The following EIF4G3 variants were observed in gnomAD, a reference collection of about 807,000 sequenced individuals.
The protein encoded by EIF4G3 is eIF-4-gamma 3.
EIF4G3 carries 34 observed loss-of-function variants against 186.4 expected under a neutral mutation model. That is an observed-to-expected ratio of 0.18 (90% CI 0.14 to 0.24). The LOEUF (loss-of-function observed/expected upper bound fraction) is 0.24. Among genes scored for constraint, EIF4G3 ranks in the 10% least tolerant of loss-of-function variants. The pLI, the probability that EIF4G3 is intolerant of heterozygous loss-of-function variation, is 1.00. For missense variants in EIF4G3, 1,536 were observed against 1,948.5 expected, an observed-to-expected ratio of 0.79 and a Z score of 3.99; for synonymous variants, 673 against 679.5, an observed-to-expected ratio of 0.99 and a Z score of 0.15.
chr1:21,111,008 T>C (rs1208661160), intron 2 of EIF4G3, among the ~76,000 whole-genome samples: 7 of 152,256 alleles, frequency 4.6e-5, no homozygotes, highest in South Asian at 2.1e-4. Flanking sequence ...AAAACACTAA[T>C]ACAAGTAGTT....
intron 35 of EIF4G3, among the ~76,000 whole-genome samples, 194 bp from the exon 36 acceptor site, chr1:20,811,078 T>C (rs1318077457): frequency 1.3e-5 from 2 of 152,090 alleles, no homozygotes; most frequent in Non-Finnish European, 2.9e-5. Flanking sequence ...GCCTCCCAAG[T>C]TGTTGGGACT....
chr1:20,873,969 C>G (rs1399067794), intron 20 of EIF4G3, among the ~76,000 whole-genome samples: 1 of 152,092 alleles, frequency 6.6e-6, no homozygotes, highest in Non-Finnish European at 1.5e-5. Context: ...TGTTATTTTG[C>G]TGAGGATGAT....
intron 20 of EIF4G3, among the ~76,000 whole-genome samples, chr1:20,875,892 A>T (rs915158212): frequency 6.6e-6 from 1 of 152,064 alleles, no homozygotes; most frequent in Non-Finnish European, 1.5e-5. Flanking sequence ...AGCCTGGGTG[A>T]CAGAGCAAGA....
intron 4 of EIF4G3, among the ~76,000 whole-genome samples, chr1:21,049,894 A>G (rs2094115440): frequency 6.6e-6 from 1 of 152,162 alleles, no homozygotes; most frequent in Non-Finnish European, 1.5e-5. Context: ...CTGTCTTTAA[A>G]AAAATAATAA....
At chr1:20,935,117 A>T (rs571380795) in intron 14 of EIF4G3, among the ~76,000 whole-genome samples, 1 of 150,966 alleles carries the variant, frequency 6.6e-6, no homozygotes, top group East Asian at 1.9e-4. Flanking sequence ...CATAAAGTAT[A>T]ACTGTCAAAT....
At chr1:20,816,409 A>T (rs1445484647) in intron 34 of EIF4G3, among the ~76,000 whole-genome samples, 1 of 93,148 alleles carries the variant, frequency 1.1e-5, no homozygotes, top group South Asian at 4.2e-4. Flanking sequence ...CCCGTCCGGG[A>T]GGTGGGGGCG....
At chr1:21,065,604 A>T (rs1199332282) in intron 3 of EIF4G3, among the ~76,000 whole-genome samples, 1 of 151,820 alleles carries the variant, frequency 6.6e-6, no homozygotes, top group Non-Finnish European at 1.5e-5. Flanking sequence ...AAAAATGAGA[A>T]TGGGTTTTGG....
chr1:20,827,554 A>G (rs1189208547), intron 32 of EIF4G3, 63 bp downstream of exon 32: 2 of 1,049,882 alleles, frequency 1.9e-6, no homozygotes, highest in African/African-American at 3.1e-5. Context: ...CAGATAACCC[A>G]AGATCAAGAT....
At chr1:20,849,969 CCT>C (rs2072737789) in intron 28 of EIF4G3, among the ~76,000 whole-genome samples, 2 of 152,228 alleles carry the variant, frequency 1.3e-5, no homozygotes, top group South Asian at 2.1e-4. Flanking sequence ...GTGCTCTTTC[CCT>C]CTGTTTCACA....
Position 21,160,590 on chromosome 1 carries a change from A to C in EIF4G3, c.-272+15585T>G, listed in dbSNP as rs1191150534. On this transcript the variant is annotated intron_variant, in intron 2 of 36. Coordinates refer to ENST00000602326, the MANE Select transcript of EIF4G3 (RefSeq NM_001391906.1). Reference sequence around the variant, plus strand: ...TAATCATCATCATACTGACATCATGAATCTCCTGATATGGGGCAATGAGAA... The same window carrying C: ...TAATCATCATCATACTGACATCATGCATCTCCTGATATGGGGCAATGAGAA... 2.0e-5 allele frequency among the ~76,000 whole-genome samples: 3 copies of C among 152,214 alleles called. No homozygotes were observed. The South Asian group carries it at 6.2e-4, about 31-fold the overall frequency.
intron 7 of EIF4G3, among the ~76,000 whole-genome samples, chr1:20,989,175 T>C (rs1391637115): frequency 6.7e-6 from 1 of 148,924 alleles, no homozygotes; most frequent in African/African-American, 2.5e-5. Context: ...CTGATTCCAA[T>C]ACTCATGGAT....
At chr1:21,019,276 A>T (rs1376737731) in intron 4 of EIF4G3, among the ~76,000 whole-genome samples, 1 of 152,248 alleles carries the variant, frequency 6.6e-6, no homozygotes, top group Non-Finnish European at 1.5e-5. Context: ...GCACTTATTC[A>T]ATTTCACTAA....
At chr1:21,088,697 T>C (rs1475709701) in intron 3 of EIF4G3, among the ~76,000 whole-genome samples, 1 of 151,990 alleles carries the variant, frequency 6.6e-6, no homozygotes, top group African/African-American at 2.4e-5. Context: ...AAACCCCATC[T>C]GTACTAAAAA....
Position 20,941,715 on chromosome 1 carries a change from G to A in EIF4G3, c.1439C>T (p.Ser480Phe), listed in dbSNP as rs565059273. The stretch of plus-strand genomic sequence containing the variant: ...AACAATGACTGGAGTGTGAGGAGGA[G>A]AAGCTGGAGGAGTTGGAGGAGTTGG... ...FPPTPPTPPA[S>F]PPHTPVIVPA... Residue 480 changes from serine (S) to phenylalanine (F), a missense_variant, in exon 14 of 37, where the codon TCT (serine) becomes TTT (phenylalanine). Transcript: ENST00000602326. 1 of 1,611,986 alleles carries A rather than the reference G, an allele frequency of 6.2e-7. No individual in the cohort carries two copies. Among genetic ancestry groups the A allele is most frequent in the South Asian group, 1.1e-5 (1 of 90,734 alleles).
chr1:20,945,506 C>T (rs1047158046), intron 13 of EIF4G3, among the ~76,000 whole-genome samples: 4 of 152,172 alleles, frequency 2.6e-5, no homozygotes, highest in Non-Finnish European at 2.9e-5. Flanking sequence ...TGCTCTGTCG[C>T]CTAGGCTGGA....
intron 31 of EIF4G3, among the ~76,000 whole-genome samples, chr1:20,827,900 T>C (rs780034907): frequency 6.6e-6 from 1 of 152,196 alleles, no homozygotes; most frequent in Non-Finnish European, 1.5e-5. Flanking sequence ...TTTACCTTTT[T>C]CTTTAACCAC....
At chr1:21,162,570 T>C (rs1334130029) in intron 2 of EIF4G3, among the ~76,000 whole-genome samples, 1 of 151,992 alleles carries the variant, frequency 6.6e-6, no homozygotes, top group African/African-American at 2.4e-5. Context: ...GCCGAAACCC[T>C]GTCTTTACTA....
At chr1:20,878,796 T>TAGG (rs1422358715) in intron 20 of EIF4G3, among the ~76,000 whole-genome samples, 2 of 152,208 alleles carry the variant, frequency 1.3e-5, no homozygotes, top group African/African-American at 4.8e-5. Context: ...TGTCTTGCCC[T>TAGG]AGGTTTGACA....
chr1:21,101,003 G>A (rs923718340), intron 2 of EIF4G3, among the ~76,000 whole-genome samples: 1 of 152,026 alleles, frequency 6.6e-6, no homozygotes, highest in African/African-American at 2.4e-5. Flanking sequence ...CTTCTCCACA[G>A]CCAATAAACC....
Sources: allele counts gnomAD v4.1 joint callset (sites outside exome capture counted in the v4.1 genomes callset), GRCh38; gene constraint gnomAD v4.1.1; transcripts MANE v1.5; gene names NCBI Gene and HGNC (gene_info 2026-07-23, HGNC 2026-07-21).